The following IQGAP2 variants were observed in gnomAD, a reference collection of about 807,000 sequenced individuals.
IQGAP2 encodes the protein IQ motif containing GTPase activating protein 2.
Under a neutral mutation model 201.3 loss-of-function variants are expected in IQGAP2, and 173 were observed. That is an observed-to-expected ratio of 0.86 (90% CI 0.76 to 0.98). IQGAP2 has a LOEUF of 0.98. Ranked by LOEUF, IQGAP2 falls within the 50% of genes least tolerant of loss-of-function variation. The pLI is 0.00. For synonymous variants in IQGAP2, 675 were observed against 673.9 expected, an observed-to-expected ratio of 1.00 and a Z score of -0.03; for missense variants, 1,687 against 1,864.8, an observed-to-expected ratio of 0.90 and a Z score of 1.76.
chr5:76,652,774 C>T lies in IQGAP2; in HGVS notation c.2119C>T (p.Arg707Trp), dbSNP rs375342547. 75 of 1,610,720 alleles carry T rather than the reference C, an allele frequency of 4.7e-5. 2 individuals carry two copies. Among genetic ancestry groups the T allele is most frequent in the Admixed American group, 1.3e-4 (8 of 60,012 alleles). ...IQAFWKGYKQ[R>W]KEYMHRRQTF... ...GGCTTTTTGGAAAGGATATAAACAACGGAAGGAGTATATGCACAGGCGGCA... is the reference window on the plus strand; with the variant it reads ...GGCTTTTTGGAAAGGATATAAACAATGGAAGGAGTATATGCACAGGCGGCA... The change falls in exon 18 of 36, where the codon CGG becomes TGG. Residue 707 changes from arginine to tryptophan, a missense_variant. Physicochemically the swap from Arg to Trp is moderately radical, Grantham distance 101. Coordinates refer to ENST00000274364, the MANE Select transcript of IQGAP2 (RefSeq NM_006633.5).
At chr5:76,404,497 G>T in intron 1 of IQGAP2, 1 of 985,470 alleles carries the variant, frequency 1.0e-6, no homozygotes, top group Non-Finnish European at 1.2e-6. Context: ...AAGACCACAG[G>T]TTAATCTTTG....
chr5:76,452,384 T>C (rs1358362444), intron 1 of IQGAP2, among the ~76,000 whole-genome samples: 1 of 152,068 alleles, frequency 6.6e-6, no homozygotes, highest in Non-Finnish European at 1.5e-5. Context: ...ATGCTATCCC[T>C]CTACCCTCCC....
chr5:76,690,637 C>T (rs959209367), intron 30 of IQGAP2, among the ~76,000 whole-genome samples: 1 of 152,190 alleles, frequency 6.6e-6, no homozygotes. Context: ...TTTAACTTTT[C>T]TAGAAGCCTT....
chr5:76,583,171 T>C (rs1745994090), intron 5 of IQGAP2, among the ~76,000 whole-genome samples: 1 of 152,228 alleles, frequency 6.6e-6, no homozygotes, highest in African/African-American at 2.4e-5. Context: ...TTCTATTCGA[T>C]GGGCTTTTTT....
At chr5:76,570,103 A>G (rs1464338675) in intron 3 of IQGAP2, among the ~76,000 whole-genome samples, 3 of 152,166 alleles carry the variant, frequency 2.0e-5, no homozygotes, top group Admixed American at 6.5e-5. Context: ...GTATTTTGCT[A>G]TATTTTCCTA....
chr5:76,422,971 G>T (rs1751806015), intron 1 of IQGAP2, among the ~76,000 whole-genome samples: 1 of 152,168 alleles, frequency 6.6e-6, no homozygotes, highest in Non-Finnish European at 1.5e-5. Flanking sequence ...ACTTGCCCAA[G>T]GTACAGCTAG....
At position 76,677,241 on chromosome 5, in the gene IQGAP2, A is replaced by T. The variant is rs10454915; in HGVS notation, c.3551A>T (p.Asn1184Ile). The T allele has an allele frequency of 1.9e-6, 3 of 1,613,500 alleles. No homozygotes were observed. Among genetic ancestry groups the T allele is most frequent in the Middle Eastern group, 3.3e-4 (2 of 6,060 alleles). Residue 1184 changes from asparagine to isoleucine, a missense_variant, in exon 28 of 36, where the codon AAT becomes ATT. Coordinates refer to ENST00000274364, the MANE Select transcript of IQGAP2 (RefSeq NM_006633.5). ...AGGAAATATTTCAAAGAAGCATGTA[A>T]TGTCCCTGAGCCAGAAGAGAAGTTT... ...EFRKYFKEAC[N>I]VPEPEEKFNM...
intron 30 of IQGAP2, 43 bp from the exon 31 acceptor site, chr5:76,693,312 G>A: frequency 1.5e-6 from 2 of 1,366,572 alleles, no homozygotes; most frequent in Non-Finnish European, 2.1e-6. Flanking sequence ...TTGTGCATAA[G>A]GACTACAGTC....
chr5:76,423,722 G>A (rs576021781), intron 1 of IQGAP2, among the ~76,000 whole-genome samples: 2 of 152,300 alleles, frequency 1.3e-5, no homozygotes, highest in East Asian at 3.9e-4. Flanking sequence ...TAGCAGATAT[G>A]CAAGAAAGGA....
intron 16 of IQGAP2, among the ~76,000 whole-genome samples, chr5:76,638,496 T>G (rs1751320820): frequency 6.6e-6 from 1 of 152,168 alleles, no homozygotes; most frequent in South Asian, 2.1e-4. Context: ...CCCATGTGCC[T>G]TGTCCATTGT....
rs79938059 is a variant in IQGAP2 at position 76,482,858 on chromosome 5, C to G, written c.146+21189C>G. Among the ~76,000 whole-genome samples, 422 of 152,168 alleles carry G rather than the reference C, an allele frequency of 2.8e-3. 2 individuals are homozygous for G. Among genetic ancestry groups the G allele is most frequent in the African/African-American group, 9.6e-3 (397 of 41,530 alleles). ...CATAGTCGATTTATTTTTCCTAGTC[C>G]TGGTTCTGTTAGTGCCTGAGTGGCC... On this transcript the variant is annotated intron_variant, in intron 2 of 35. Transcript: ENST00000274364.
At chr5:76,507,824 A>G (rs1294408494) in intron 2 of IQGAP2, among the ~76,000 whole-genome samples, 1 of 151,742 alleles carries the variant, frequency 6.6e-6, no homozygotes, top group Non-Finnish European at 1.5e-5. Context: ...AACCTGACCA[A>G]CATGGTGAAA....
chr5:76,467,343 CA>C (rs1754836036), intron 2 of IQGAP2, among the ~76,000 whole-genome samples: 1 of 152,156 alleles, frequency 6.6e-6, no homozygotes, highest in Admixed American at 6.5e-5. Context: ...TCTGAATAGA[CA>C]TGTCTCCAAA....
rs1300726452 is a variant in IQGAP2 at position 76,658,650 on chromosome 5, A to G, written c.2512A>G (p.Asn838Asp). Residue 838 changes from asparagine to aspartate, a missense_variant, in exon 21 of 36, where the codon AAC becomes GAC. Coordinates refer to ENST00000274364, the MANE Select transcript of IQGAP2 (RefSeq NM_006633.5). Reference sequence around the variant, plus strand: ...CATCAAGATTGGACTGCTGGTGAAGAACAGGATCACACTAGAGGTCAGTGG... The same window carrying G: ...CATCAAGATTGGACTGCTGGTGAAGGACAGGATCACACTAGAGGTCAGTGG... The part of the protein sequence containing the change: ...MDIKIGLLVK[N>D]RITLEDVISH... 6.2e-7 allele frequency: 1 copy of G among 1,613,842 alleles called. No homozygotes were observed. The highest frequency in any genetic ancestry group is 2.2e-5 in the East Asian group (1 of 44,872).
chr5:76,446,748 A>G (rs1389882725), intron 1 of IQGAP2, among the ~76,000 whole-genome samples: 1 of 152,224 alleles, frequency 6.6e-6, no homozygotes, highest in Non-Finnish European at 1.5e-5. Context: ...GCTCAGTTTC[A>G]TCTACCAAAT....
intron 1 of IQGAP2, among the ~76,000 whole-genome samples, chr5:76,460,860 CTTTTTTTTT>C (rs61258350): frequency 1.8e-5 from 2 of 113,538 alleles, no homozygotes; most frequent in Non-Finnish European, 3.5e-5. Context: ...TTGCACACTG[CTTTTTTTTT>C]TTTTTTTTTT....
chr5:76,677,017 G>A, intron 27 of IQGAP2: 2 of 521,952 alleles, frequency 3.8e-6, no homozygotes, highest in South Asian at 2.8e-5. Context: ...AATCCTGTTT[G>A]AGGAGCTGGG....
At chr5:76,694,627 A>G (rs1357796276) in intron 31 of IQGAP2, among the ~76,000 whole-genome samples, 1 of 152,234 alleles carries the variant, frequency 6.6e-6, no homozygotes, top group Non-Finnish European at 1.5e-5. Context: ...TCTGGTGCAC[A>G]TTAAGTGCTC....
chr5:76,536,278 C>A (rs1759617583), intron 2 of IQGAP2, among the ~76,000 whole-genome samples: 1 of 150,502 alleles, frequency 6.6e-6, no homozygotes, highest in Non-Finnish European at 1.5e-5. Flanking sequence ...ATCATGTTGG[C>A]CAGGCTGATC....
Sources: gnomAD v4.1 joint callset for allele counts (sites outside exome capture counted in the v4.1 genomes callset) on GRCh38, gnomAD v4.1.1 for gene constraint, MANE v1.5 for transcripts, NCBI Gene and HGNC (gene_info 2026-07-23, HGNC 2026-07-21) for gene names.